Variants in PACRG observed in about 807,000 individuals in gnomAD.
The protein encoded by PACRG is parkin coregulated.
PACRG carries 29 observed loss-of-function variants against 29.7 expected under a neutral mutation model. The observed-to-expected ratio is 0.98, with a 90% CI of 0.73 to 1.33. The LOEUF (loss-of-function observed/expected upper bound fraction) is 1.33. Ranked by LOEUF, PACRG falls within the 40% of genes most tolerant of loss-of-function variation. PACRG has a pLI of 0.00. For synonymous variants in PACRG, 116 were observed against 118.7 expected (o/e 0.98, Z 0.15); for missense variants, 279 against 316.2 (o/e 0.88, Z 0.89).
chr6:163,098,656 G>A (rs895804177), intron 4 of PACRG, among the ~76,000 whole-genome samples: 20 of 152,128 alleles, frequency 1.3e-4, no homozygotes, highest in African/African-American at 9.7e-5. Flanking sequence ...TGGATCTCAC[G>A]CAAGACAGAA....
Position 163,258,829 on chromosome 6 carries a change from G to A in PACRG, c.614-55998G>A, listed in dbSNP as rs114195563. 7.1e-3 allele frequency among the ~76,000 whole-genome samples: 1,078 copies of A among 152,078 alleles called. 13 individuals are homozygous for A. Among genetic ancestry groups the A allele is most frequent in the African/African-American group, 0.025 (1,047 of 41,496 alleles). Reference sequence around the variant, plus strand: ...TATGACACCTTGGGAGAGGGTCTTGGAGAACTGGCTACCAACAATTTTTAT... The same window carrying A: ...TATGACACCTTGGGAGAGGGTCTTGAAGAACTGGCTACCAACAATTTTTAT... On this transcript the variant is annotated intron_variant, in intron 4 of 4. Coordinates refer to ENST00000366888, the MANE Select transcript of PACRG (RefSeq NM_001080379.2).
chr6:162,899,132 A>G (rs1423153330), intron 2 of PACRG, among the ~76,000 whole-genome samples: 1 of 152,136 alleles, frequency 6.6e-6, no homozygotes, highest in African/African-American at 2.4e-5. Context: ...AAGTCTCTAG[A>G]TACTTCTTTT....
At chr6:163,084,143 T>G (rs1389799332) in intron 3 of PACRG, among the ~76,000 whole-genome samples, 1 of 152,200 alleles carries the variant, frequency 6.6e-6, no homozygotes, top group Non-Finnish European at 1.5e-5. Context: ...ATCTATAATG[T>G]CAGTAGACTC....
At chr6:163,273,438 G>T (rs1372667497) in intron 4 of PACRG, among the ~76,000 whole-genome samples, 1 of 152,028 alleles carries the variant, frequency 6.6e-6, no homozygotes, top group Non-Finnish European at 1.5e-5. Flanking sequence ...CTCATGTCTG[G>T]ACCTAGCGAC....
At chr6:162,831,214 A>T (rs1788743276) in intron 2 of PACRG, among the ~76,000 whole-genome samples, 6 of 152,224 alleles carry the variant, frequency 3.9e-5, no homozygotes, top group Admixed American at 2.0e-4. Context: ...CTTCAAAGCC[A>T]ACGCATACAC....
intron 2 of PACRG, among the ~76,000 whole-genome samples, chr6:163,058,661 C>A (rs1810811460): frequency 1.3e-5 from 2 of 152,088 alleles, no homozygotes; most frequent in African/African-American, 4.8e-5. Flanking sequence ...CTTTGGGAGG[C>A]CAAGGCGAGC....
At chr6:162,767,405 T>G (rs1360932565) in intron 1 of PACRG, among the ~76,000 whole-genome samples, 1 of 151,962 alleles carries the variant, frequency 6.6e-6, no homozygotes, top group Non-Finnish European at 1.5e-5. Flanking sequence ...CTTTTTTCTC[T>G]TAAAGTGTTT....
chr6:163,126,061 A>G (rs1199933140), intron 4 of PACRG, among the ~76,000 whole-genome samples: 1 of 152,212 alleles, frequency 6.6e-6, no homozygotes, highest in Non-Finnish European at 1.5e-5. Context: ...ACGTGTGTAT[A>G]TACATACAAA....
intron 2 of PACRG, among the ~76,000 whole-genome samples, chr6:162,889,117 A>AT (rs886951598): frequency 3.3e-5 from 5 of 152,212 alleles, no homozygotes; most frequent in Non-Finnish European, 7.3e-5. Context: ...TCAAGTATTC[A>AT]TCTTACCCAG....
chr6:162,809,632 TAA>T (rs1275693974), intron 1 of PACRG, among the ~76,000 whole-genome samples: 1 of 152,080 alleles, frequency 6.6e-6, no homozygotes, highest in Non-Finnish European at 1.5e-5. Context: ...ATATTCAGTA[TAA>T]GAGACAAAAA....
intron 4 of PACRG, among the ~76,000 whole-genome samples, chr6:163,108,898 C>T (rs1056588117): frequency 1.3e-5 from 2 of 152,154 alleles, no homozygotes; most frequent in Non-Finnish European, 2.9e-5. Context: ...CATCAAAGAA[C>T]AGGATGCACA....
intron 2 of PACRG, among the ~76,000 whole-genome samples, chr6:162,869,600 C>A (rs1792626729): frequency 6.6e-6 from 1 of 152,008 alleles, no homozygotes; most frequent in African/African-American, 2.4e-5. Flanking sequence ...CTTTTGTTTA[C>A]CATGATAAAA....
At chr6:162,982,432 G>C (rs1394438400) in intron 2 of PACRG, among the ~76,000 whole-genome samples, 1 of 151,622 alleles carries the variant, frequency 6.6e-6, no homozygotes, top group Non-Finnish European at 1.5e-5. Context: ...TGCGACGTAG[G>C]CATTTCATGC....
rs181446182 is a variant in PACRG, at chr6:163,133,922, C to T, written c.613+44514C>T. ...CATTTAAAACAGGGTCTAACTCATA[C>T]GTGCAATCACTGAAACTAACTACAC... On this transcript the variant is annotated intron_variant, in intron 4 of 4. Coordinates refer to ENST00000366888, the MANE Select transcript of PACRG (RefSeq NM_001080379.2). Among the ~76,000 whole-genome samples, 8 of 152,298 alleles carry T rather than the reference C, an allele frequency of 5.3e-5. No homozygotes were observed. In the East Asian group the frequency reaches 9.6e-4, roughly 18 times the overall value.
chr6:162,829,473 C>T (rs1181741952), intron 2 of PACRG, among the ~76,000 whole-genome samples: 2 of 152,240 alleles, frequency 1.3e-5, no homozygotes, highest in Non-Finnish European at 2.9e-5. Context: ...TCACACATTT[C>T]AGAAGGTTGC....
At chr6:162,755,523 C>T (rs953420352) in intron 1 of PACRG, among the ~76,000 whole-genome samples, 1 of 152,080 alleles carries the variant, frequency 6.6e-6, no homozygotes, top group Non-Finnish European at 1.5e-5. Context: ...GCAACCTCTG[C>T]CTCCCTGGTT....
At chr6:162,906,045 G>T (rs147214730) in intron 2 of PACRG, among the ~76,000 whole-genome samples, 4 of 151,810 alleles carry the variant, frequency 2.6e-5, no homozygotes, top group Admixed American at 1.3e-4. Context: ...AGAAAAAAAG[G>T]GGGGGAAAGC....
At chr6:163,246,829 A>G (rs1015442051) in intron 4 of PACRG, among the ~76,000 whole-genome samples, 6 of 152,286 alleles carry the variant, frequency 3.9e-5, no homozygotes, top group African/African-American at 1.4e-4. Context: ...GGAGAAAAGA[A>G]AAACCCAAAG....
At chr6:163,273,516 C>T (rs1293162560) in intron 4 of PACRG, among the ~76,000 whole-genome samples, 1 of 152,024 alleles carries the variant, frequency 6.6e-6, no homozygotes, top group Non-Finnish European at 1.5e-5. Context: ...AGAAATAAGA[C>T]TTTTTAGATT....
Sources: gnomAD v4.1 joint callset for allele counts (sites outside exome capture counted in the v4.1 genomes callset) on GRCh38, gnomAD v4.1.1 for gene constraint, MANE v1.5 for transcripts, NCBI Gene and HGNC (gene_info 2026-07-23, HGNC 2026-07-21) for gene names.